DNAH7: variants seen among roughly 807,000 people sequenced by gnomAD.
DNAH7 encodes the protein dynein axonemal heavy chain 7.
A neutral mutation model predicts 444.6 loss-of-function variants in DNAH7; 397 were observed. The ratio of observed to expected loss-of-function variants is 0.89; its 90% confidence interval spans 0.82 to 0.97. DNAH7 has a LOEUF of 0.97. Among genes scored for constraint, DNAH7 ranks in the 50% least tolerant of loss-of-function variants. The pLI is 0.00. For synonymous variants in DNAH7, 1,636 were observed against 1,624.4 expected (o/e 1.01, Z -0.17); for missense variants, 4,902 against 4,800.8 (o/e 1.02, Z -0.62).
chr2:195,737,913 T>G lies in DNAH7; in HGVS notation c.*8A>C. 6.2e-7 allele frequency: 1 copy of G among 1,612,794 alleles called. No individual in the cohort carries two copies. ...AAGAAATAGGAACAAGGAAATGATG[T>G]CTTCTGGTTATGAATTAAGTTGACA... is the stretch of plus-strand genomic sequence containing the variant. On this transcript the variant is annotated 3_prime_UTR_variant, in exon 65 of 65. Transcript: ENST00000312428.
chr2:196,034,768 G>A (rs1696278369), intron 5 of DNAH7, among the ~76,000 whole-genome samples: 1 of 152,076 alleles, frequency 6.6e-6, no homozygotes, highest in African/African-American at 2.4e-5. Context: ...AAGGGATTAG[G>A]GGTTGAAACA....
At chr2:195,860,737 T>C (rs1345680697) in intron 42 of DNAH7, among the ~76,000 whole-genome samples, 1 of 152,196 alleles carries the variant, frequency 6.6e-6, no homozygotes, top group African/African-American at 2.4e-5. Flanking sequence ...ACTCATAGTA[T>C]TAATATTTTT....
chr2:195,800,501 T>C lies in DNAH7; in HGVS notation c.10177-1029A>G, dbSNP rs2106004282. On this transcript the variant is annotated intron_variant, in intron 54 of 64. Coordinates refer to ENST00000312428, the MANE Select transcript of DNAH7 (RefSeq NM_018897.3). ...TTTATGCAAAAAAGAAAATTCAATATATAGCAAAGCAAGGAAGGCCTAAAA... is the reference window on the plus strand; with the variant it reads ...TTTATGCAAAAAAGAAAATTCAATACATAGCAAAGCAAGGAAGGCCTAAAA... Among the ~76,000 whole-genome samples the C allele has an allele frequency of 1.3e-5, 2 of 152,332 alleles. 1 individual carries two copies.
At chr2:195,841,085 T>C (rs971777478) in intron 47 of DNAH7, among the ~76,000 whole-genome samples, 1 of 151,806 alleles carries the variant, frequency 6.6e-6, no homozygotes, top group East Asian at 1.9e-4. Flanking sequence ...AATAGGTAAA[T>C]GGAACAGAGA....
chr2:195,973,458 TTTG>T (rs1691981822), intron 15 of DNAH7, among the ~76,000 whole-genome samples: 1 of 152,024 alleles, frequency 6.6e-6, no homozygotes, highest in Admixed American at 6.6e-5. Flanking sequence ...GTTTTTTTTG[TTTG>T]TTGTTTTGTT....
intron 29 of DNAH7, 122 bp from the exon 30 acceptor site, chr2:195,895,346 T>C: frequency 3.2e-6 from 2 of 628,428 alleles, no homozygotes; most frequent in Non-Finnish European, 5.0e-6. Flanking sequence ...AACAGCTTTA[T>C]AGAGGAATAG....
chr2:195,858,456 G>GTATGGC lies in DNAH7; in HGVS notation c.8067+12_8067+17dup. ...TATGATGACATGTGTCCTAGAAAGT[G>GTATGGC]TATGGCGAAGCTCTTACCTGTGCAG... On this transcript the variant is annotated intron_variant, in intron 43 of 64. Coordinates refer to ENST00000312428, the MANE Select transcript of DNAH7 (RefSeq NM_018897.3). 6.4e-7 allele frequency: 1 copy of GTATGGC among 1,555,460 alleles called. No homozygotes were observed. The highest frequency in any genetic ancestry group is 2.3e-5 in the East Asian group (1 of 44,380).
chr2:195,948,157 A>ATTTG (rs1362155389), intron 19 of DNAH7, among the ~76,000 whole-genome samples: 10 of 152,052 alleles, frequency 6.6e-5, no homozygotes, highest in Non-Finnish European at 7.4e-5. Context: ...TTTCTTGTAA[A>ATTTG]TTGGCTTAAG....
At chr2:196,044,660 ACTG>A (rs1320914779) in intron 5 of DNAH7, among the ~76,000 whole-genome samples, 12 of 152,174 alleles carry the variant, frequency 7.9e-5, no homozygotes, top group Admixed American at 7.9e-4. Flanking sequence ...ACAGGGGAAA[ACTG>A]CTATTATTCT....
intron 5 of DNAH7, among the ~76,000 whole-genome samples, chr2:196,034,325 AAAG>A (rs879271815): frequency 5.3e-5 from 8 of 152,226 alleles, no homozygotes; most frequent in Admixed American, 3.3e-4. Context: ...ACATTTTTAA[AAAG>A]AAGGGCAAGA....
At chr2:195,865,089 G>T (rs889426015) in intron 40 of DNAH7, 68 bp from the exon 41 acceptor site, 7 of 1,440,322 alleles carry the variant, frequency 4.9e-6, no homozygotes, top group Non-Finnish European at 5.5e-6. Context: ...TATTATATCT[G>T]TGCTAATCTC....
intron 19 of DNAH7, among the ~76,000 whole-genome samples, chr2:195,937,566 T>A (rs541810551): frequency 1.3e-5 from 2 of 152,174 alleles, no homozygotes; most frequent in African/African-American, 4.8e-5. Flanking sequence ...TCATATTTTT[T>A]AAAAAAAGTA....
At chr2:195,942,276 T>C (rs933120768) in intron 19 of DNAH7, among the ~76,000 whole-genome samples, 2 of 151,796 alleles carry the variant, frequency 1.3e-5, no homozygotes, top group East Asian at 1.9e-4. Flanking sequence ...TATTTAGAGG[T>C]AGCACATTCC....
intron 58 of DNAH7, among the ~76,000 whole-genome samples, chr2:195,778,733 C>CATATATATATACATATATATATACACAT (rs1553518264): frequency 8.5e-6 from 1 of 117,224 alleles, no homozygotes; most frequent in Non-Finnish European, 1.6e-5. Flanking sequence ...TATATATACA[C>CATATATATATACATATATATATACACAT]ATATATATAT....
chr2:195,817,626 AAAATGT>A, intron 50 of DNAH7, 64 bp downstream of exon 50: 1 of 1,452,456 alleles, frequency 6.9e-7, no homozygotes, highest in African/African-American at 1.4e-5. Flanking sequence ...AGAGATCTGT[AAAATGT>A]ATTTTAATTC....
At chr2:195,935,057 G>A (rs534529684) in intron 20 of DNAH7, among the ~76,000 whole-genome samples, 1 of 152,288 alleles carries the variant, frequency 6.6e-6, no homozygotes, top group African/African-American at 2.4e-5. Context: ...CAACCACGAG[G>A]CTTTGTCTTC....
chr2:195,979,815 T>C lies in DNAH7; in HGVS notation c.1833+4817A>G, dbSNP rs552097174. Among the ~76,000 whole-genome samples the C allele has an allele frequency of 4.3e-4, 65 of 151,974 alleles. 1 individual carries two copies. In the South Asian group the frequency reaches 0.012, roughly 27 times the overall value. On this transcript the variant is annotated intron_variant, in intron 15 of 64. Transcript: ENST00000312428. ...AAAACCACAGAAATTCAGAGGATCATTAGAGGCTACTAAAGACAACTATAT... is the reference window on the plus strand; with the variant it reads ...AAAACCACAGAAATTCAGAGGATCACTAGAGGCTACTAAAGACAACTATAT...
rs569465673 is a variant in DNAH7, at chr2:195,894,519, G to A, written c.4896+457C>T. 58 of 152,332 alleles carry A rather than the reference G, an allele frequency of 3.8e-4. 1 individual carries two copies. The highest frequency in any genetic ancestry group is 5.9e-4 in the Admixed American group (9 of 15,288). 9.4% of individuals were successfully genotyped at this position (152,332 alleles called of 1,614,324 possible). A position where few individuals can be genotyped will look rare whatever the true frequency, so the allele number is the denominator to read the frequency against. ...AGCCCCACTCCTTCAGCATTTCAAA[G>A]TCAATCAAAATGTGATGTGTATAAG... On this transcript the variant is annotated intron_variant, in intron 30 of 64. Transcript: ENST00000312428.
chr2:195,824,314 G>C lies in DNAH7; in HGVS notation c.9232C>G (p.Arg3078Gly), dbSNP rs375373052. Residue 3078 changes from arginine to glycine, a missense_variant, in exon 49 of 65, where the codon CGC (arginine) becomes GGC (glycine). Coordinates refer to ENST00000312428, the MANE Select transcript of DNAH7 (RefSeq NM_018897.3). ...DSTIEYAPDFRFYITTKLRNP... is the reference protein window; with the variant it reads ...DSTIEYAPDFGFYITTKLRNP... ...CTTAACTTGGTAGTAATATAGAAGC[G>C]GAAGTCAGGTGCATATTCAATTGTG... is the stretch of plus-strand genomic sequence containing the variant. 13 of 1,613,584 alleles carry C rather than the reference G, an allele frequency of 8.1e-6. No homozygotes were observed. The highest frequency in any genetic ancestry group is 1.3e-5 in the African/African-American group (1 of 74,870).
Sources: allele counts gnomAD v4.1 joint callset (sites outside exome capture counted in the v4.1 genomes callset), GRCh38; gene constraint gnomAD v4.1.1; transcripts MANE v1.5; gene names NCBI Gene and HGNC (gene_info 2026-07-23, HGNC 2026-07-21).